Variants in GPC5 observed in about 807,000 individuals in gnomAD.
The protein encoded by GPC5 is glypican 5, also known as glypican-5.
A neutral mutation model predicts 53.9 loss-of-function variants in GPC5; 47 were observed. The ratio of observed to expected loss-of-function variants is 0.87; its 90% confidence interval spans 0.69 to 1.11. The LOEUF (loss-of-function observed/expected upper bound fraction) is 1.11. Ranked by LOEUF, GPC5 falls within the 50% of genes most tolerant of loss-of-function variation. The pLI is 0.00. For synonymous variants in GPC5, 286 were observed against 263.3 expected, an observed-to-expected ratio of 1.09 and a Z score of -0.84; for missense variants, 748 against 713.1, an observed-to-expected ratio of 1.05 and a Z score of -0.56.
chr13:91,742,570 A>G (rs1369168951), intron 4 of GPC5, among the ~76,000 whole-genome samples: 2 of 152,174 alleles, frequency 1.3e-5, no homozygotes, highest in Non-Finnish European at 2.9e-5. Context: ...AGAAGTTGAC[A>G]TTGCAGTTGG....
chr13:92,842,027 A>T (rs980934911), intron 7 of GPC5, among the ~76,000 whole-genome samples: 1 of 152,164 alleles, frequency 6.6e-6, no homozygotes, highest in Non-Finnish European at 1.5e-5. Flanking sequence ...TTGGTCTTCC[A>T]TTCAAAAGAA....
intron 7 of GPC5, among the ~76,000 whole-genome samples, chr13:92,684,382 T>C (rs779044192): frequency 2.6e-5 from 4 of 152,136 alleles, no homozygotes; most frequent in Non-Finnish European, 4.4e-5. Flanking sequence ...GGGATTTTCC[T>C]GTCTCAGCCT....
At chr13:92,628,078 C>T (rs1885103152) in intron 7 of GPC5, among the ~76,000 whole-genome samples, 1 of 152,010 alleles carries the variant, frequency 6.6e-6, no homozygotes, top group African/African-American at 2.4e-5. Flanking sequence ...ATTCATTCCA[C>T]ACACCCAACA....
intron 7 of GPC5, among the ~76,000 whole-genome samples, chr13:92,167,868 C>G (rs535711485): frequency 1.2e-5 from 1 of 81,142 alleles, no homozygotes; most frequent in Non-Finnish European, 2.4e-5. Flanking sequence ...CAACTTAGGA[C>G]CAAGAAAAAA....
In GPC5 at chr13:92,307,440, G is replaced by C. The variant is rs543332468; in HGVS notation, c.1561+162451G>C. On this transcript the variant is annotated intron_variant, in intron 7 of 7. Transcript: ENST00000377067. ...TGGCACTCCAGCCTGGGCAATAGTT[G>C]GAGACTCTGTCTCAAAAACAAAAAG... 5.3e-5 allele frequency among the ~76,000 whole-genome samples: 8 copies of C among 152,170 alleles called. No homozygotes were observed. The South Asian group carries it at 1.7e-3, about 32-fold the overall frequency.
intron 6 of GPC5, among the ~76,000 whole-genome samples, chr13:91,948,781 T>C (rs898512893): frequency 6.6e-6 from 1 of 152,240 alleles, no homozygotes; most frequent in Non-Finnish European, 1.5e-5. Flanking sequence ...TTCTAGCATA[T>C]GTTAAATACA....
At chr13:92,551,362 T>C (rs1952390844) in intron 7 of GPC5, among the ~76,000 whole-genome samples, 1 of 151,244 alleles carries the variant, frequency 6.6e-6, no homozygotes, top group African/African-American at 2.4e-5. Flanking sequence ...CTCCTTAAAT[T>C]TGTAAAAGTC....
intron 4 of GPC5, among the ~76,000 whole-genome samples, chr13:91,740,900 T>C (rs1397274013): frequency 6.6e-6 from 1 of 152,160 alleles, no homozygotes; most frequent in African/African-American, 2.4e-5. Flanking sequence ...TACATTATTA[T>C]TTCAAAGTGG....
intron 6 of GPC5, among the ~76,000 whole-genome samples, chr13:91,945,745 C>T (rs1479036223): frequency 6.6e-6 from 1 of 152,144 alleles, no homozygotes; most frequent in Non-Finnish European, 1.5e-5. Flanking sequence ...CACTGCTGTT[C>T]TGCTTGGTAG....
rs77441590 is a variant in GPC5, at chr13:91,404,085, C to T, written c.163+4876C>T. ...TCACCCCCCAATCCCTATTATTTTT[C>T]CTTGTTTCCAGCCTGTTAAGGCTTT... On this transcript the variant is annotated intron_variant, in intron 1 of 7. Coordinates refer to ENST00000377067, the MANE Select transcript of GPC5 (RefSeq NM_004466.6). Among the ~76,000 whole-genome samples the T allele has an allele frequency of 2.1e-3, 318 of 152,220 alleles. 1 individual carries two copies. Among genetic ancestry groups the T allele is most frequent in the African/African-American group, 7.3e-3 (303 of 41,538 alleles).
At chr13:91,968,379 T>G (rs1380191059) in intron 6 of GPC5, among the ~76,000 whole-genome samples, 2 of 152,202 alleles carry the variant, frequency 1.3e-5, no homozygotes, top group African/African-American at 4.8e-5. Context: ...TTTAACACAC[T>G]ATTTAAATTG....
intron 7 of GPC5, among the ~76,000 whole-genome samples, chr13:92,445,263 T>TC (rs1877755315): frequency 8.1e-6 from 1 of 122,984 alleles, no homozygotes; most frequent in Admixed American, 8.4e-5. Context: ...CTCTCTCTCT[T>TC]TTTTTTTTTA....
At chr13:91,718,722 T>C (rs2036400399) in intron 3 of GPC5, among the ~76,000 whole-genome samples, 1 of 152,160 alleles carries the variant, frequency 6.6e-6, no homozygotes, top group African/African-American at 2.4e-5. Context: ...GCCCTCAGGG[T>C]AGAATTCCTC....
chr13:92,321,938 T>C (rs1035203906), intron 7 of GPC5, among the ~76,000 whole-genome samples: 3 of 152,188 alleles, frequency 2.0e-5, no homozygotes, highest in Non-Finnish European at 4.4e-5. Context: ...ACAGTCTTTG[T>C]AACTTTAAAT....
chr13:91,753,928 A>C (rs2037233481), intron 4 of GPC5, among the ~76,000 whole-genome samples: 1 of 152,190 alleles, frequency 6.6e-6, no homozygotes, highest in Admixed American at 6.6e-5. Flanking sequence ...CTTAGAAGGC[A>C]GGTGCTCTCT....
chr13:92,086,861 G>T (rs931889094), intron 6 of GPC5, among the ~76,000 whole-genome samples: 3 of 152,116 alleles, frequency 2.0e-5, no homozygotes, highest in African/African-American at 7.2e-5. Context: ...GTTTCACCAT[G>T]TTGGCCAGGC....
intron 7 of GPC5, among the ~76,000 whole-genome samples, chr13:92,232,075 T>A (rs1482041334): frequency 2.6e-5 from 4 of 152,202 alleles, no homozygotes; most frequent in African/African-American, 9.6e-5. Context: ...AGCACCTTAT[T>A]ATTATAAACT....
intron 7 of GPC5, among the ~76,000 whole-genome samples, chr13:92,472,660 T>C (rs1487615743): frequency 1.3e-5 from 2 of 152,136 alleles, no homozygotes; most frequent in African/African-American, 4.8e-5. Flanking sequence ...TGCTCATTTG[T>C]AGATGAATAT....
rs144621067 is a variant in GPC5, at chr13:91,742,712, C to T, written c.1155-13583C>T. Among the ~76,000 whole-genome samples, 10 of 152,098 alleles carry T rather than the reference C, an allele frequency of 6.6e-5. No homozygotes were observed. In the East Asian group the frequency reaches 1.9e-3, roughly 29 times the overall value. Reference sequence around the variant, plus strand: ...TATCCAGTGGCTGCAATTGGAACTCCCCTAGTTTGCTTTCTTAGATGAGGA... The same window carrying T: ...TATCCAGTGGCTGCAATTGGAACTCTCCTAGTTTGCTTTCTTAGATGAGGA... On this transcript the variant is annotated intron_variant, in intron 4 of 7. Coordinates refer to ENST00000377067, the MANE Select transcript of GPC5 (RefSeq NM_004466.6).
Sources: gnomAD v4.1 joint callset for allele counts (sites outside exome capture counted in the v4.1 genomes callset) on GRCh38, gnomAD v4.1.1 for gene constraint, MANE v1.5 for transcripts, NCBI Gene and HGNC (gene_info 2026-07-23, HGNC 2026-07-21) for gene names.